The following RALGAPA1 variants were observed in gnomAD, a reference collection of about 807,000 sequenced individuals.
RALGAPA1 encodes the protein ral GTPase-activating protein subunit alpha-1.
In RALGAPA1, 52 loss-of-function variants were observed where a neutral mutation model predicts 269.6. The ratio of observed to expected loss-of-function variants is 0.19; its 90% confidence interval spans 0.15 to 0.24. RALGAPA1 has a LOEUF of 0.24. Among genes scored for constraint, RALGAPA1 ranks in the 10% least tolerant of loss-of-function variants. The probability of loss-of-function intolerance (pLI) is 1.00; values close to 1 mark genes in which losing one functional copy is unlikely to be tolerated. For missense variants in RALGAPA1, 1,917 were observed against 3,013.9 expected, an observed-to-expected ratio of 0.64 and a Z score of 8.52; for synonymous variants, 817 against 1,008.3, an observed-to-expected ratio of 0.81 and a Z score of 3.60.
chr14:35,637,850 C>T (rs1420462055), intron 31 of RALGAPA1, among the ~76,000 whole-genome samples: 1 of 152,150 alleles, frequency 6.6e-6, no homozygotes, highest in East Asian at 1.9e-4. Flanking sequence ...TACAATGGAG[C>T]TCCAATACAT....
intron 35 of RALGAPA1, among the ~76,000 whole-genome samples, chr14:35,625,159 A>G (rs1189020658): frequency 6.6e-6 from 1 of 151,202 alleles, no homozygotes; most frequent in Non-Finnish European, 1.5e-5. Context: ...TCAAAAAAAA[A>G]AAAAAAAAAA....
chr14:35,702,191 C>CAGGA (rs2067411413), intron 16 of RALGAPA1, among the ~76,000 whole-genome samples: 1 of 152,132 alleles, frequency 6.6e-6, no homozygotes, highest in South Asian at 2.1e-4. Flanking sequence ...TATATTTGAG[C>CAGGA]AGGAGTCCAG....
At chr14:35,808,600 C>T in intron 1 of RALGAPA1, 130 bp downstream of exon 1, 1 of 904,872 alleles carries the variant, frequency 1.1e-6, no homozygotes, top group Non-Finnish European at 1.7e-6. Flanking sequence ...CACCCTCCCG[C>T]GTCTCCGCAG....
intron 37 of RALGAPA1, among the ~76,000 whole-genome samples, chr14:35,592,559 A>C (rs1334403571): frequency 1.3e-5 from 2 of 152,218 alleles, no homozygotes; most frequent in African/African-American, 4.8e-5. Context: ...AGAAAACTAC[A>C]GGTCAATTTC....
chr14:35,749,309 A>G (rs2072452843), intron 9 of RALGAPA1, among the ~76,000 whole-genome samples: 1 of 152,208 alleles, frequency 6.6e-6, no homozygotes, highest in Non-Finnish European at 1.5e-5. Context: ...AACAAAATTT[A>G]TGACAGAAGT....
intron 28 of RALGAPA1, among the ~76,000 whole-genome samples, chr14:35,657,791 C>T (rs1338513491): frequency 6.6e-6 from 1 of 151,662 alleles, no homozygotes; most frequent in African/African-American, 2.4e-5. Context: ...TAAAAAGCCT[C>T]TGAAGACAAA....
intron 36 of RALGAPA1, among the ~76,000 whole-genome samples, chr14:35,599,525 G>A (rs555012018): frequency 1.8e-4 from 27 of 152,062 alleles, no homozygotes; most frequent in Non-Finnish European, 3.8e-4. Flanking sequence ...TGGGAGGATT[G>A]CCTGAGAACA....
rs566403886 is a variant in RALGAPA1, at chr14:35,797,875, TTTTTTTC to T, written c.106+10848_106+10854del. Among the ~76,000 whole-genome samples the T allele has an allele frequency of 4.9e-3, 749 of 151,692 alleles. 4 individuals are homozygous for T. The highest frequency in any genetic ancestry group is 0.017 in the African/African-American group (709 of 41,378). On this transcript the variant is annotated intron_variant, in intron 1 of 41. Transcript: ENST00000680220. ...AAAAAAAAATAGCTAAAAGAGACTT[TTTTTTTC>T]TTTTTTTGGAGACAGGGTCTTGCTC...
intron 35 of RALGAPA1, among the ~76,000 whole-genome samples, chr14:35,609,896 C>T (rs2059819705): frequency 6.7e-6 from 1 of 149,262 alleles, no homozygotes; most frequent in South Asian, 2.1e-4. Flanking sequence ...CCACTGCACT[C>T]CAGCCTGGGT....
At chr14:35,621,867 G>A (rs1400588259) in intron 35 of RALGAPA1, among the ~76,000 whole-genome samples, 1 of 152,188 alleles carries the variant, frequency 6.6e-6, no homozygotes, top group Non-Finnish European at 1.5e-5. Flanking sequence ...GGAAACAACA[G>A]ATGCTGGAGA....
intron 29 of RALGAPA1, among the ~76,000 whole-genome samples, chr14:35,655,555 T>G (rs2063123889): frequency 6.6e-6 from 1 of 152,040 alleles, no homozygotes; most frequent in Non-Finnish European, 1.5e-5. Flanking sequence ...CTTTTTTAGA[T>G]GTCTACCATA....
intron 37 of RALGAPA1, among the ~76,000 whole-genome samples, chr14:35,586,038 T>C (rs1422667814): frequency 6.6e-6 from 1 of 152,222 alleles, no homozygotes. Context: ...TAAATTACCT[T>C]GGGCAGTATG....
intron 29 of RALGAPA1, 30 bp downstream of exon 29, chr14:35,655,777 T>G: frequency 6.2e-7 from 1 of 1,604,884 alleles, no homozygotes; most frequent in Non-Finnish European, 8.5e-7. Context: ...TCTCCTATCT[T>G]AATATATTTC....
intron 16 of RALGAPA1, among the ~76,000 whole-genome samples, chr14:35,700,726 A>G (rs2067267048): frequency 6.6e-6 from 1 of 152,190 alleles, no homozygotes; most frequent in Non-Finnish European, 1.5e-5. Context: ...ATTCTTACTA[A>G]CGAGGCTGAA....
chr14:35,585,316 A>G (rs1203091918), intron 37 of RALGAPA1, among the ~76,000 whole-genome samples: 1 of 152,240 alleles, frequency 6.6e-6, no homozygotes, highest in African/African-American at 2.4e-5. Context: ...TAAATTAGAA[A>G]TCAGTAACAG....
Position 35,626,441 on chromosome 14 carries a change from T to C in RALGAPA1, c.6857+649A>G, listed in dbSNP as rs116509887. On this transcript the variant is annotated intron_variant, in intron 34 of 41. Coordinates refer to ENST00000680220, the MANE Select transcript of RALGAPA1 (RefSeq NM_001346249.2). The stretch of plus-strand genomic sequence containing the variant: ...TGACATAGGAATTAAAACCTAAATG[T>C]ATATTAATAATGCTTTACATTAGTG... Among the ~76,000 whole-genome samples the C allele has an allele frequency of 9.2e-3, 1,403 of 152,308 alleles. 27 individuals carry two copies. Among genetic ancestry groups the C allele is most frequent in the African/African-American group, 0.032 (1,338 of 41,576 alleles).
intron 17 of RALGAPA1, among the ~76,000 whole-genome samples, chr14:35,691,756 G>A (rs2066501104): frequency 6.6e-6 from 1 of 152,080 alleles, no homozygotes; most frequent in East Asian, 1.9e-4. Flanking sequence ...GATCAACATA[G>A]GTTTGTATTA....
intron 4 of RALGAPA1, among the ~76,000 whole-genome samples, chr14:35,769,063 T>C (rs1343570203): frequency 6.1e-5 from 5 of 81,456 alleles, no homozygotes; most frequent in East Asian, 7.7e-4. Context: ...TATATATATA[T>C]ATACACACAC....
chr14:35,803,131 G>A (rs2077099259), intron 1 of RALGAPA1, among the ~76,000 whole-genome samples: 1 of 152,144 alleles, frequency 6.6e-6, no homozygotes, highest in Admixed American at 6.5e-5. Context: ...CAAACACTGC[G>A]GTACTGGCAC....
Sources: allele counts gnomAD v4.1 joint callset (sites outside exome capture counted in the v4.1 genomes callset), GRCh38; gene constraint gnomAD v4.1.1; transcripts MANE v1.5; gene names NCBI Gene and HGNC (gene_info 2026-07-23, HGNC 2026-07-21).